The following RBMS3 variants were observed in gnomAD, a reference collection of about 807,000 sequenced individuals.
RBMS3 encodes the protein RNA-binding motif, single-stranded-interacting protein 3.
A neutral mutation model predicts 66.8 loss-of-function variants in RBMS3; 27 were observed. That is an observed-to-expected ratio of 0.40 (90% CI 0.30 to 0.56). The LOEUF (loss-of-function observed/expected upper bound fraction) is 0.56. RBMS3 is among the 20% of genes least tolerant of loss of function. RBMS3 has a pLI of 0.40. For synonymous variants in RBMS3, 188 were observed against 183.0 expected, an observed-to-expected ratio of 1.03 and a Z score of -0.22; for missense variants, 513 against 549.5, an observed-to-expected ratio of 0.93 and a Z score of 0.66.
chr3:29,512,945 TA>T (rs1044909198), intron 3 of RBMS3, among the ~76,000 whole-genome samples: 1 of 152,220 alleles, frequency 6.6e-6, no homozygotes, highest in African/African-American at 2.4e-5. Context: ...CACATTCAGG[TA>T]ACCATTCCAG....
rs1054671471 is a variant in RBMS3, at chr3:29,708,027, C to T, written c.400-31693C>T. ...TACTGGTTACTGGTCGTAGGCCTGC[C>T]GAGGGCTGATTGCACCTTCCGTTTA... On this transcript the variant is annotated intron_variant, in intron 4 of 14. Transcript: ENST00000383767. Among the ~76,000 whole-genome samples the T allele has an allele frequency of 3.3e-5, 5 of 152,290 alleles. No individual in the cohort carries two copies. The East Asian group carries it at 7.7e-4, about 24-fold the overall frequency.
At chr3:29,498,291 G>A (rs940574746) in intron 3 of RBMS3, among the ~76,000 whole-genome samples, 7 of 151,812 alleles carry the variant, frequency 4.6e-5, no homozygotes, top group African/African-American at 1.5e-4. Flanking sequence ...CACTGAGGCC[G>A]GCCAAAAGTA....
At chr3:29,303,853 T>A in intron 1 of RBMS3, among the ~76,000 whole-genome samples, 1 of 151,994 alleles carries the variant, frequency 6.6e-6, no homozygotes, top group East Asian at 1.9e-4. Flanking sequence ...CCCACGTGGC[T>A]GGGGAGGCCT....
At chr3:29,713,079 C>G (rs1262768323) in intron 4 of RBMS3, among the ~76,000 whole-genome samples, 1 of 151,908 alleles carries the variant, frequency 6.6e-6, no homozygotes, top group Non-Finnish European at 1.5e-5. Flanking sequence ...TCAAGACCTT[C>G]TTAGTGATTG....
chr3:29,310,728 A>G (rs539884973), intron 1 of RBMS3, among the ~76,000 whole-genome samples: 5 of 151,850 alleles, frequency 3.3e-5, no homozygotes, highest in African/African-American at 1.2e-4. Context: ...CTGAAGGGAA[A>G]GATCACTCAA....
intron 1 of RBMS3, among the ~76,000 whole-genome samples, chr3:29,314,316 A>T (rs1380487805): frequency 1.3e-5 from 2 of 151,654 alleles, no homozygotes; most frequent in African/African-American, 4.8e-5. Context: ...ATACCTTCTC[A>T]TGTATTATGG....
intron 1 of RBMS3, among the ~76,000 whole-genome samples, chr3:29,400,594 T>G (rs1441971755): frequency 6.6e-6 from 1 of 151,640 alleles, no homozygotes; most frequent in African/African-American, 2.4e-5. Flanking sequence ...TCTACCACAA[T>G]AAAAAACAAA....
chr3:29,652,374 T>C (rs2050176793), intron 4 of RBMS3, among the ~76,000 whole-genome samples: 1 of 152,124 alleles, frequency 6.6e-6, no homozygotes, highest in African/African-American at 2.4e-5. Flanking sequence ...ATTTAAGCAT[T>C]ATTAGGATGC....
At chr3:29,972,489 C>T (rs1249246364) in intron 12 of RBMS3, among the ~76,000 whole-genome samples, 1 of 152,014 alleles carries the variant, frequency 6.6e-6, no homozygotes, top group East Asian at 1.9e-4. Flanking sequence ...TTGCTCACCA[C>T]CCATCTTGGA....
intron 8 of RBMS3, among the ~76,000 whole-genome samples, chr3:29,885,714 A>G (rs2059854030): frequency 6.6e-6 from 1 of 151,912 alleles, no homozygotes; most frequent in African/African-American, 2.4e-5. Flanking sequence ...TTCATATTTT[A>G]TAATATTTTA....
intron 1 of RBMS3, among the ~76,000 whole-genome samples, chr3:29,360,461 T>A (rs868501385): frequency 6.6e-6 from 1 of 152,150 alleles, no homozygotes; most frequent in African/African-American, 2.4e-5. Context: ...AATGCTTTAC[T>A]TCCAACTATG....
intron 4 of RBMS3, among the ~76,000 whole-genome samples, chr3:29,655,622 G>C (rs1031806255): frequency 1.3e-5 from 2 of 152,162 alleles, no homozygotes; most frequent in Non-Finnish European, 2.9e-5. Flanking sequence ...ACATACAATT[G>C]TGTATGGTAC....
At chr3:29,864,884 A>C (rs1559749877) in intron 6 of RBMS3, among the ~76,000 whole-genome samples, 1 of 137,476 alleles carries the variant, frequency 7.3e-6, no homozygotes, top group African/African-American at 2.7e-5. Flanking sequence ...GGAGGGAGGG[A>C]GGAAGGAGGG....
rs1193671613 is a variant in RBMS3, at chr3:29,301,610, C to T, written c.75+19854C>T. On this transcript the variant is annotated intron_variant, in intron 1 of 14. Coordinates refer to ENST00000383767, the MANE Select transcript of RBMS3 (RefSeq NM_001003793.3). ...TGTCAGAAAGAATGAGACAATTGGG[C>T]GTATTTTCTTTGTTTGCTTGCTTGA... is the stretch of plus-strand genomic sequence containing the variant. Among the ~76,000 whole-genome samples the T allele has an allele frequency of 3.3e-5, 5 of 151,884 alleles. No individual in the cohort carries two copies. The East Asian group carries it at 9.7e-4, about 29-fold the overall frequency.
intron 7 of RBMS3, chr3:29,880,652 T>C (rs570657827): frequency 2.6e-6 from 2 of 774,572 alleles, no homozygotes; most frequent in South Asian, 3.1e-5. Flanking sequence ...TTAGTTATTG[T>C]GCTATTATAT....
At chr3:29,551,842 T>C (rs186738257) in intron 3 of RBMS3, among the ~76,000 whole-genome samples, 1 of 152,296 alleles carries the variant, frequency 6.6e-6, no homozygotes, top group Admixed American at 6.5e-5. Flanking sequence ...ACATGTCACT[T>C]TATCCTGTGA....
intron 3 of RBMS3, among the ~76,000 whole-genome samples, chr3:29,567,485 T>A (rs2046785126): frequency 6.6e-6 from 1 of 152,208 alleles, no homozygotes; most frequent in Non-Finnish European, 1.5e-5. Flanking sequence ...ACAGACCCTC[T>A]GCATTATCCT....
At chr3:29,789,551 TG>T (rs1279098301) in intron 6 of RBMS3, among the ~76,000 whole-genome samples, 7 of 152,294 alleles carry the variant, frequency 4.6e-5, no homozygotes, top group Admixed American at 2.0e-4. Context: ...TTTATTTTCC[TG>T]AAATTTCAAT....
At chr3:29,902,189 T>G (rs1199677234) in intron 10 of RBMS3, among the ~76,000 whole-genome samples, 1 of 151,890 alleles carries the variant, frequency 6.6e-6, no homozygotes, top group Non-Finnish European at 1.5e-5. Flanking sequence ...GTTTCTCATC[T>G]GTAACATGGA....
Sources: allele counts gnomAD v4.1 joint callset (sites outside exome capture counted in the v4.1 genomes callset), GRCh38; gene constraint gnomAD v4.1.1; transcripts MANE v1.5; gene names NCBI Gene and HGNC (gene_info 2026-07-23, HGNC 2026-07-21).